The following RPH3A variants were observed in gnomAD, a reference collection of about 807,000 sequenced individuals.
The protein encoded by RPH3A is rabphilin 3A, also known as rabphilin-3A.
In RPH3A, 48 loss-of-function variants were observed where a neutral mutation model predicts 102.2. The observed-to-expected ratio is 0.47, with a 90% CI of 0.37 to 0.60. The LOEUF (loss-of-function observed/expected upper bound fraction) is 0.60, where lower values mean the gene tolerates loss of function less well. Among genes scored for constraint, RPH3A ranks in the 20% least tolerant of loss-of-function variants. The probability of loss-of-function intolerance (pLI) is 0.00; values close to 1 mark genes in which losing one functional copy is unlikely to be tolerated. For synonymous variants in RPH3A, 310 were observed against 324.3 expected (o/e 0.96, Z 0.47); for missense variants, 781 against 910.1 (o/e 0.86, Z 1.83).
intron 1 of RPH3A, among the ~76,000 whole-genome samples, chr12:112,674,977 G>A (rs549005505): frequency 7.9e-5 from 12 of 152,240 alleles, no homozygotes; most frequent in South Asian, 2.1e-4. Flanking sequence ...GGATTCTGAC[G>A]ATAAGGTCCC....
At chr12:112,629,217 GC>G (rs1566234503) in intron 1 of RPH3A, among the ~76,000 whole-genome samples, 2 of 152,174 alleles carry the variant, frequency 1.3e-5, no homozygotes, top group East Asian at 3.9e-4. Context: ...TTCTCGGGAG[GC>G]CCCAGGCTCA....
At chr12:112,679,857 A>G (rs2136015629) in intron 1 of RPH3A, among the ~76,000 whole-genome samples, 1 of 152,364 alleles carries the variant, frequency 6.6e-6, no homozygotes, top group East Asian at 1.9e-4. Context: ...ATGGGAACAA[A>G]CAAGTAAGCA....
chr12:112,586,461 G>A (rs1231776052), intron 1 of RPH3A, among the ~76,000 whole-genome samples: 1 of 152,078 alleles, frequency 6.6e-6, no homozygotes, highest in African/African-American at 2.4e-5. Flanking sequence ...AGGGAGTAAG[G>A]CATGAGAAGA....
chr12:112,767,331 C>T (rs935909744), intron 1 of RPH3A, among the ~76,000 whole-genome samples: 1 of 152,178 alleles, frequency 6.6e-6, no homozygotes, highest in African/African-American at 2.4e-5. Context: ...TATTGTCCTC[C>T]TCCTCAATCT....
At chr12:112,685,275 T>C (rs546622678) in intron 1 of RPH3A, among the ~76,000 whole-genome samples, 1 of 152,336 alleles carries the variant, frequency 6.6e-6, no homozygotes, top group South Asian at 2.1e-4. Flanking sequence ...ATCATATTCA[T>C]GAGACTCTGC....
At chr12:112,771,674 C>T (rs773244341) in intron 1 of RPH3A, among the ~76,000 whole-genome samples, 1 of 152,212 alleles carries the variant, frequency 6.6e-6, no homozygotes, top group Non-Finnish European at 1.5e-5. Context: ...TTTTCACTCT[C>T]ACTAAGAGTA....
At chr12:112,779,477 A>T (rs902654605) in intron 1 of RPH3A, among the ~76,000 whole-genome samples, 5 of 152,172 alleles carry the variant, frequency 3.3e-5, no homozygotes, top group Non-Finnish European at 7.4e-5. Context: ...TCTGCAAAGT[A>T]CTTTCTCATG....
chr12:112,817,969 A>T (rs1667244527), intron 2 of RPH3A, among the ~76,000 whole-genome samples: 1 of 152,194 alleles, frequency 6.6e-6, no homozygotes, highest in African/African-American at 2.4e-5. Context: ...AACTCAGGAA[A>T]ATGGCAGGAA....
At chr12:112,654,011 C>T (rs895296231) in intron 1 of RPH3A, among the ~76,000 whole-genome samples, 5 of 152,180 alleles carry the variant, frequency 3.3e-5, no homozygotes, top group Non-Finnish European at 4.4e-5. Flanking sequence ...TAGTCAAGAT[C>T]GTTACCTTCC....
At chr12:112,774,855 G>C (rs576096459) in intron 1 of RPH3A, among the ~76,000 whole-genome samples, 5 of 152,272 alleles carry the variant, frequency 3.3e-5, no homozygotes, top group African/African-American at 9.6e-5. Context: ...AAAATTGCAT[G>C]CTGGGCTTAA....
intron 2 of RPH3A, among the ~76,000 whole-genome samples, chr12:112,799,675 C>T (rs1290101065): frequency 1.3e-5 from 2 of 152,176 alleles, no homozygotes; most frequent in South Asian, 4.1e-4. Context: ...AGGAGACTTA[C>T]TCCCTTCACC....
intron 1 of RPH3A, among the ~76,000 whole-genome samples, chr12:112,739,822 G>T (rs747475754): frequency 6.6e-6 from 1 of 152,180 alleles, no homozygotes; most frequent in Non-Finnish European, 1.5e-5. Flanking sequence ...AGGAAGGAAA[G>T]ACCAAGGAAT....
chr12:112,718,336 G>T (rs1273559154), intron 1 of RPH3A, among the ~76,000 whole-genome samples: 1 of 152,072 alleles, frequency 6.6e-6, no homozygotes, highest in Admixed American at 6.5e-5. Flanking sequence ...ATACATCAAG[G>T]GCTCCATGAA....
chr12:112,868,899 A>G (rs1272704159), intron 8 of RPH3A: 21 of 269,774 alleles, frequency 7.8e-5, no homozygotes, highest in South Asian at 4.1e-4. Context: ...TTTCACCACC[A>G]AGATCACACT....
chr12:112,823,987 C>A (rs550847859), intron 2 of RPH3A, among the ~76,000 whole-genome samples: 4 of 152,322 alleles, frequency 2.6e-5, no homozygotes, highest in Admixed American at 2.0e-4. Flanking sequence ...TGGAGCAGAA[C>A]CATGCTTCCC....
At chr12:112,681,668 G>T (rs571822604) in intron 1 of RPH3A, among the ~76,000 whole-genome samples, 6 of 152,028 alleles carry the variant, frequency 3.9e-5, no homozygotes, top group African/African-American at 1.2e-4. Flanking sequence ...TTTGAGGGGG[G>T]GCTTAAAGTG....
upstream of RPH3A, among the ~76,000 whole-genome samples, chr12:112,790,691 T>G (rs930586939): frequency 1.3e-5 from 2 of 152,230 alleles, no homozygotes; most frequent in Non-Finnish European, 2.9e-5. Flanking sequence ...ATACTTTTAT[T>G]TCATTGTCCA....
chr12:112,806,594 A>G (rs1032346230), intron 2 of RPH3A, among the ~76,000 whole-genome samples: 1 of 151,964 alleles, frequency 6.6e-6, no homozygotes, highest in African/African-American at 2.4e-5. Flanking sequence ...ACGCCACTGC[A>G]CTCCAGCCTG....
rs916581521 is a variant in RPH3A, at chr12:112,888,031, G to A, written c.1563+108G>A. On this transcript the variant is annotated intron_variant, in intron 17 of 21. Coordinates refer to ENST00000389385, the MANE Select transcript of RPH3A (RefSeq NM_001143854.2). ...TAGATCCACGGGGTATTGGGTAGCA[G>A]AGGCACTGCAGCAGGTCTGCAGAGG... The A allele has an allele frequency of 3.1e-6, 4 of 1,277,410 alleles. No homozygotes were observed. In the African/African-American group the frequency reaches 5.9e-5, roughly 19 times the overall value. The allele number at this position is 1,277,410 out of a possible 1,614,324, so 79.1% of individuals were successfully genotyped here.
Sources: gnomAD v4.1 joint callset for allele counts (sites outside exome capture counted in the v4.1 genomes callset) on GRCh38, gnomAD v4.1.1 for gene constraint, MANE v1.5 for transcripts, NCBI Gene and HGNC (gene_info 2026-07-23, HGNC 2026-07-21) for gene names.